The following AXDND1 variants were observed in gnomAD, a reference collection of about 807,000 sequenced individuals.
AXDND1 encodes the protein axonemal dynein light chain domain-containing protein 1.
AXDND1 carries 110 observed loss-of-function variants against 137.5 expected under a neutral mutation model. That is an observed-to-expected ratio of 0.80 (90% CI 0.69 to 0.94). The LOEUF is 0.94. Among genes scored for constraint, AXDND1 ranks in the 40% least tolerant of loss-of-function variants. The probability of loss-of-function intolerance (pLI) is 0.00; values close to 1 mark genes in which losing one functional copy is unlikely to be tolerated. For missense variants in AXDND1, 1,191 were observed against 1,169.8 expected (o/e 1.02, Z -0.26); for synonymous variants, 414 against 399.7 (o/e 1.04, Z -0.43).
At chr1:179,473,513 A>G (rs937565100) in intron 17 of AXDND1, among the ~76,000 whole-genome samples, 24 of 152,182 alleles carry the variant, frequency 1.6e-4, no homozygotes, top group Non-Finnish European at 2.8e-4. Flanking sequence ...AAAAAGAATT[A>G]GCTTCAGATT....
intron 6 of AXDND1, among the ~76,000 whole-genome samples, chr1:179,381,856 C>A (rs1008672564): frequency 2.6e-5 from 4 of 151,790 alleles, no homozygotes; most frequent in African/African-American, 9.7e-5. Flanking sequence ...TCTTGGCTCA[C>A]TGCAACCTCC....
intron 11 of AXDND1, among the ~76,000 whole-genome samples, chr1:179,409,960 G>C (rs1653607270): frequency 6.6e-6 from 1 of 151,422 alleles, no homozygotes; most frequent in Non-Finnish European, 1.5e-5. Flanking sequence ...TGGATTTTTT[G>C]CTTTTACTGT....
upstream of AXDND1, chr1:179,365,755 G>A (rs1457361499): frequency 6.6e-6 from 1 of 152,474 alleles, no homozygotes; most frequent in African/African-American, 2.4e-5. Context: ...CCCGGCGTGA[G>A]ACACTTTCGG....
At chr1:179,529,073 C>T (rs1039717671) in intron 23 of AXDND1, among the ~76,000 whole-genome samples, 1 of 152,188 alleles carries the variant, frequency 6.6e-6, no homozygotes, top group Non-Finnish European at 1.5e-5. Flanking sequence ...TAGCTGTGGA[C>T]ACTCAGCAAG....
At chr1:179,389,066 C>T (rs532187254) in intron 9 of AXDND1, among the ~76,000 whole-genome samples, 4 of 147,610 alleles carry the variant, frequency 2.7e-5, no homozygotes, top group African/African-American at 2.5e-5. Flanking sequence ...CCTCCACCTC[C>T]GCATTCAAGT....
At chr1:179,542,042 C>G (rs1257440889) in intron 25 of AXDND1, among the ~76,000 whole-genome samples, 1 of 152,062 alleles carries the variant, frequency 6.6e-6, no homozygotes, top group Non-Finnish European at 1.5e-5. Context: ...GACATTGTCT[C>G]TGGGTAATAG....
At chr1:179,383,601 T>C (rs4077551) in intron 8 of AXDND1, 57 bp downstream of exon 8, 146,816 of 1,336,584 alleles carry the variant, frequency 0.11, 10,521 homozygotes, top group East Asian at 0.35. Context: ...AGGAGGCAGA[T>C]TGCCTAGGTT....
chr1:179,512,940 A>C (rs1169339143), intron 21 of AXDND1, among the ~76,000 whole-genome samples: 2 of 152,130 alleles, frequency 1.3e-5, no homozygotes, highest in African/African-American at 2.4e-5. Context: ...GAATTCTTTT[A>C]TCATTTCTAG....
intron 12 of AXDND1, among the ~76,000 whole-genome samples, chr1:179,420,510 T>C (rs1655515001): frequency 6.6e-6 from 1 of 152,218 alleles, no homozygotes; most frequent in African/African-American, 2.4e-5. Flanking sequence ...GTTGAATTGA[T>C]ATTAGTTCTT....
intron 21 of AXDND1, among the ~76,000 whole-genome samples, chr1:179,525,063 A>G (rs138715111): frequency 1.8e-3 from 279 of 152,296 alleles, no homozygotes; most frequent in Non-Finnish European, 2.8e-3. Context: ...TATCTCCTTC[A>G]GGAAACCTTC....
chr1:179,400,968 A>G (rs1651939693), intron 11 of AXDND1, among the ~76,000 whole-genome samples: 1 of 150,386 alleles, frequency 6.6e-6, no homozygotes, highest in African/African-American at 2.4e-5. Flanking sequence ...TGATAAAAAG[A>G]ATGTGTACGG....
intron 12 of AXDND1, among the ~76,000 whole-genome samples, chr1:179,419,195 C>A (rs1030628615): frequency 3.3e-5 from 5 of 151,912 alleles, no homozygotes; most frequent in Admixed American, 6.5e-5. Context: ...CAGAGAGGCT[C>A]CTCACTTCCC....
intron 15 of AXDND1, among the ~76,000 whole-genome samples, chr1:179,438,483 C>G (rs1435242952): frequency 6.6e-6 from 1 of 152,180 alleles, no homozygotes; most frequent in Admixed American, 6.5e-5. Flanking sequence ...TGAATAGAAT[C>G]ATGCAAAGCT....
chr1:179,401,565 A>G (rs1652057019), intron 11 of AXDND1, among the ~76,000 whole-genome samples: 1 of 152,164 alleles, frequency 6.6e-6, no homozygotes, highest in East Asian at 1.9e-4. Flanking sequence ...TTTATTCTTT[A>G]CTAGCATAAT....
chr1:179,445,013 T>C lies in AXDND1; in HGVS notation c.1607T>C (p.Leu536Pro). Residue 536 changes from leucine to proline, a missense_variant, in exon 16 of 26, where the codon CTG becomes CCG. Coordinates refer to ENST00000367618, the MANE Select transcript of AXDND1 (RefSeq NM_144696.6). The part of the protein sequence containing the change: ...KKEEFTGDVL[L>P]SKYDTLKIIK... Reference sequence around the variant, plus strand: ...GAAGAGTTTACTGGGGATGTTCTACTGTCAAAATACGATACTCTCAAGATT... The same window carrying C: ...GAAGAGTTTACTGGGGATGTTCTACCGTCAAAATACGATACTCTCAAGATT... 1 of 1,612,570 alleles carries C rather than the reference T, an allele frequency of 6.2e-7. No homozygotes were observed. The highest frequency in any genetic ancestry group is 8.5e-7 in the Non-Finnish European group (1 of 1,178,848).
rs114735923 is a variant in AXDND1 at position 179,532,559 on chromosome 1, G to A, written c.2716-1236G>A. Among the ~76,000 whole-genome samples the A allele has an allele frequency of 3.7e-3, 559 of 152,280 alleles. 4 individuals are homozygous for A. Among genetic ancestry groups the A allele is most frequent in the African/African-American group, 0.013 (542 of 41,558 alleles). On this transcript the variant is annotated intron_variant, in intron 23 of 25. Coordinates refer to ENST00000367618, the MANE Select transcript of AXDND1 (RefSeq NM_144696.6). ...AACAGAAAGAGAAAAATATGTGACA[G>A]AGAAAATAAGAGTCTAATATCTAGC...
chr1:179,435,287 A>G (rs541713818), intron 15 of AXDND1, among the ~76,000 whole-genome samples: 15 of 152,338 alleles, frequency 9.8e-5, no homozygotes, highest in Non-Finnish European at 2.2e-4. Flanking sequence ...TTATAGATTC[A>G]ATGCTTTTCC....
At chr1:179,449,136 T>G (rs1660156754) in intron 16 of AXDND1, 1 of 454,448 alleles carries the variant, frequency 2.2e-6, no homozygotes, top group Admixed American at 2.4e-5. Flanking sequence ...TCATCCCACT[T>G]CAGCCCCCCA....
intron 22 of AXDND1, among the ~76,000 whole-genome samples, chr1:179,525,845 C>T (rs1670487658): frequency 6.6e-6 from 1 of 151,946 alleles, no homozygotes; most frequent in African/African-American, 2.4e-5. Context: ...ATTATAGACA[C>T]ACACAGACAG....
Sources: allele counts gnomAD v4.1 joint callset (sites outside exome capture counted in the v4.1 genomes callset), GRCh38; gene constraint gnomAD v4.1.1; transcripts MANE v1.5; gene names NCBI Gene and HGNC (gene_info 2026-07-23, HGNC 2026-07-21).